Variants in ZNF420 observed in about 807,000 individuals in gnomAD.
The protein encoded by ZNF420 is ATM and p53-associated KZNF protein.
In ZNF420, 31 loss-of-function variants were observed where a neutral mutation model predicts 44.7. The observed-to-expected ratio is 0.69, with a 90% CI of 0.52 to 0.94. The LOEUF (loss-of-function observed/expected upper bound fraction) is 0.94, where lower values mean the gene tolerates loss of function less well. Among genes scored for constraint, ZNF420 ranks in the 40% least tolerant of loss-of-function variants. The pLI is 0.00. For synonymous variants in ZNF420, 245 were observed against 267.4 expected (o/e 0.92, Z 0.82); for missense variants, 681 against 827.9 (o/e 0.82, Z 2.18).
intron 1 of ZNF420, among the ~76,000 whole-genome samples, chr19:37,028,569 G>A (rs1268436714): frequency 6.6e-6 from 1 of 152,162 alleles, no homozygotes; most frequent in Non-Finnish European, 1.5e-5. Flanking sequence ...TGGACTTTCA[G>A]TGTTTATTTG....
chr19:37,048,771 G>A (rs1388209195), intron 1 of ZNF420, among the ~76,000 whole-genome samples: 3 of 151,878 alleles, frequency 2.0e-5, no homozygotes, highest in Non-Finnish European at 2.9e-5. Context: ...CAACGTGCAG[G>A]TTAGTTACAT....
At chr19:37,098,542 T>A (rs1317783789) in intron 4 of ZNF420, among the ~76,000 whole-genome samples, 1 of 152,258 alleles carries the variant, frequency 6.6e-6, no homozygotes. Flanking sequence ...TCATAAACAC[T>A]TTTAAAAGTT....
At chr19:37,089,698 T>C (rs972204400) in intron 3 of ZNF420, among the ~76,000 whole-genome samples, 2 of 152,212 alleles carry the variant, frequency 1.3e-5, no homozygotes, top group African/African-American at 4.8e-5. Context: ...TTCTATTGTT[T>C]AGAATGATGA....
chr19:37,078,809 T>C (rs1028773809), intron 1 of ZNF420, among the ~76,000 whole-genome samples: 8 of 152,214 alleles, frequency 5.3e-5, no homozygotes, highest in Non-Finnish European at 1.0e-4. Flanking sequence ...GATATACTTA[T>C]GTGACTGTGA....
intron 1 of ZNF420, among the ~76,000 whole-genome samples, chr19:37,048,498 C>T (rs1967579901): frequency 6.6e-6 from 1 of 152,124 alleles, no homozygotes; most frequent in African/African-American, 2.4e-5. Flanking sequence ...AGATAATCCA[C>T]AGAATGCCTT....
At chr19:37,007,982 C>T in exon 1 of ZNF420, 1 of 168,946 alleles carries the variant, frequency 5.9e-6, no homozygotes, top group Non-Finnish European at 1.3e-5. Context: ...TCTCCGAATG[C>T]CAGGAGTCGC....
intron 1 of ZNF420, among the ~76,000 whole-genome samples, chr19:37,039,846 A>G (rs1967421695): frequency 6.6e-6 from 1 of 152,030 alleles, no homozygotes; most frequent in African/African-American, 2.4e-5. Flanking sequence ...TACCAGAGGC[A>G]TGCACCACAA....
In ZNF420 at chr19:37,128,118, C is replaced by T; in HGVS notation, c.1127C>T (p.Ser376Leu). 6.2e-7 allele frequency: 1 copy of T among 1,614,042 alleles called. No homozygotes were observed. Among genetic ancestry groups the T allele is most frequent in the Non-Finnish European group, 8.5e-7 (1 of 1,179,982 alleles). The change falls in exon 5 of 5, where the codon TCA becomes TTA. Residue 376 changes from serine to leucine, a missense_variant. Coordinates refer to ENST00000337995, the MANE Select transcript of ZNF420 (RefSeq NM_144689.5). ...EECGKAFIRGSQLTQHQRIHT... is the reference protein window; with the variant it reads ...EECGKAFIRGLQLTQHQRIHT... ...TGTGGGAAGGCCTTTATCCGTGGCT[C>T]ACAACTTACTCAACACCAGAGAATT...
At chr19:37,035,436 C>A (rs2146402630) in intron 1 of ZNF420, among the ~76,000 whole-genome samples, 1 of 152,310 alleles carries the variant, frequency 6.6e-6, no homozygotes, top group Non-Finnish European at 1.5e-5. Flanking sequence ...TGAGCTCAGG[C>A]AATCTGCCCA....
intron 4 of ZNF420, among the ~76,000 whole-genome samples, chr19:37,110,923 C>CA (rs1446704366): frequency 1.3e-5 from 2 of 152,180 alleles, no homozygotes; most frequent in African/African-American, 2.4e-5. Context: ...GTAATTCCCA[C>CA]AAAATCAGCA....
chr19:37,023,732 G>A (rs1388383070), intron 1 of ZNF420, among the ~76,000 whole-genome samples: 1 of 152,032 alleles, frequency 6.6e-6, no homozygotes, highest in Non-Finnish European at 1.5e-5. Flanking sequence ...GTAACATTTG[G>A]GTTCAGAGCT....
intron 1 of ZNF420, among the ~76,000 whole-genome samples, chr19:37,057,062 C>T (rs1416816266): frequency 3.3e-5 from 5 of 152,202 alleles, no homozygotes; most frequent in African/African-American, 7.2e-5. Context: ...CCTGAGTAAC[C>T]ACTCCCTGAG....
intron 1 of ZNF420, among the ~76,000 whole-genome samples, chr19:37,072,885 T>C (rs1479682723): frequency 1.3e-5 from 2 of 152,340 alleles, no homozygotes; most frequent in African/African-American, 2.4e-5. Context: ...ATTTAAAAGG[T>C]ATATGCATTT....
chr19:37,119,495 A>G (rs938564352), intron 4 of ZNF420, among the ~76,000 whole-genome samples: 3 of 152,212 alleles, frequency 2.0e-5, no homozygotes, highest in African/African-American at 7.2e-5. Context: ...AATATATAGC[A>G]CTAAGTGTCC....
intron 1 of ZNF420, among the ~76,000 whole-genome samples, chr19:37,046,768 G>T (rs1397497060): frequency 6.6e-6 from 1 of 152,056 alleles, no homozygotes; most frequent in Non-Finnish European, 1.5e-5. Context: ...AGGAGCCAAG[G>T]TATGCTGTGA....
chr19:37,041,310 C>CAA lies in ZNF420; in HGVS notation c.-125+33244_-125+33245dup, dbSNP rs369724759. On this transcript the variant is annotated intron_variant, in intron 1 of 4. Transcript: ENST00000587029. ...TGGGCGACGGAGTGAAACACTATCT[C>CAA]AAAAAAAAAAAAAAAAATCCCAACA... is the stretch of plus-strand genomic sequence containing the variant. Among the ~76,000 whole-genome samples, 511 of 132,624 alleles carry CAA rather than the reference C, an allele frequency of 3.9e-3. 3 individuals are homozygous for CAA. Among genetic ancestry groups the CAA allele is most frequent in the East Asian group, 0.01 (41 of 4,032 alleles). The allele number at this position is 132,624 out of a possible 152,430, so 87.0% of individuals were successfully genotyped here.
intron 1 of ZNF420, among the ~76,000 whole-genome samples, chr19:37,036,340 T>A (rs959357420): frequency 5.3e-5 from 8 of 152,208 alleles, no homozygotes; most frequent in African/African-American, 1.9e-4. Flanking sequence ...AAATATCACA[T>A]GTACCCTAGA....
chr19:37,052,140 C>A (rs989632653), intron 1 of ZNF420, among the ~76,000 whole-genome samples: 1 of 152,020 alleles, frequency 6.6e-6, no homozygotes, highest in African/African-American at 2.4e-5. Flanking sequence ...CTCTTTTGAT[C>A]TTTGTTGGTT....
At chr19:37,045,456 G>C (rs1459488392) in intron 1 of ZNF420, among the ~76,000 whole-genome samples, 1 of 152,180 alleles carries the variant, frequency 6.6e-6, no homozygotes, top group East Asian at 1.9e-4. Context: ...AATTATCTAA[G>C]GAAAGTTGCA....
Sources: allele counts gnomAD v4.1 joint callset (sites outside exome capture counted in the v4.1 genomes callset), GRCh38; gene constraint gnomAD v4.1.1; transcripts MANE v1.5; gene names NCBI Gene and HGNC (gene_info 2026-07-23, HGNC 2026-07-21).